The following GALNT13 variants were observed in gnomAD, a reference collection of about 807,000 sequenced individuals.
The protein encoded by GALNT13 is polypeptide N-acetylgalactosaminyltransferase 13.
GALNT13 carries 28 observed loss-of-function variants against 64.2 expected under a neutral mutation model. That is an observed-to-expected ratio of 0.44 (90% CI 0.32 to 0.60). The LOEUF (loss-of-function observed/expected upper bound fraction) is 0.60. GALNT13 is among the 20% of genes least tolerant of loss of function. The probability of loss-of-function intolerance (pLI) is 0.05; values close to 1 mark genes in which losing one functional copy is unlikely to be tolerated. For missense variants in GALNT13, 577 were observed against 669.8 expected (o/e 0.86, Z 1.53); for synonymous variants, 214 against 224.6 (o/e 0.95, Z 0.42).
chr2:153,354,351 A>G, the GALNT13 span: 1 of 152,292 alleles, frequency 6.6e-6, no homozygotes, highest in East Asian at 1.9e-4. Context: ...TTAATGCTGG[A>G]CCGTCTTACT....
At chr2:153,974,308 A>C (rs1347646749) in intron 3 of GALNT13, among the ~76,000 whole-genome samples, 1 of 152,090 alleles carries the variant, frequency 6.6e-6, no homozygotes, top group African/African-American at 2.4e-5. Context: ...GTGGTTAACA[A>C]TCGTACTTTT....
At chr2:153,806,065 C>T in the GALNT13 span, among the ~76,000 whole-genome samples, 1 of 152,000 alleles carries the variant, frequency 6.6e-6, no homozygotes, top group South Asian at 2.1e-4. Flanking sequence ...ATGTATATCC[C>T]TAGCATCTGA....
the GALNT13 span, among the ~76,000 whole-genome samples, chr2:153,344,786 T>C: frequency 4.6e-5 from 7 of 152,216 alleles, no homozygotes; most frequent in African/African-American, 1.7e-4. Context: ...TATGAGGTGA[T>C]GGATATATTA....
intron 4 of GALNT13, among the ~76,000 whole-genome samples, chr2:154,152,988 T>C (rs1684148186): frequency 6.6e-6 from 1 of 152,200 alleles, no homozygotes; most frequent in African/African-American, 2.4e-5. Context: ...CTGCGTTCCT[T>C]TGGAGGAGGA....
At chr2:154,369,496 C>T (rs1559118074) in intron 9 of GALNT13, among the ~76,000 whole-genome samples, 1 of 152,154 alleles carries the variant, frequency 6.6e-6, no homozygotes, top group Non-Finnish European at 1.5e-5. Context: ...GTCAGTACCA[C>T]ACATAGCTTC....
chr2:153,918,776 C>A (rs534809280), intron 2 of GALNT13, among the ~76,000 whole-genome samples: 1 of 152,200 alleles, frequency 6.6e-6, no homozygotes, highest in South Asian at 2.1e-4. Flanking sequence ...GTAAAAATAT[C>A]TTTCCCCTTA....
At chr2:153,402,244 T>G in the GALNT13 span, among the ~76,000 whole-genome samples, 96 of 151,886 alleles carry the variant, frequency 6.3e-4, no homozygotes, top group African/African-American at 2.1e-3. Flanking sequence ...TTAAGAGTGT[T>G]GAATATTGGC....
At chr2:153,902,087 T>A (rs2105294886) in intron 2 of GALNT13, among the ~76,000 whole-genome samples, 1 of 152,316 alleles carries the variant, frequency 6.6e-6, no homozygotes, top group South Asian at 2.1e-4. Context: ...TTCAAATTCT[T>A]TCACGTTAGC....
chr2:153,751,897 A>ACTTT, the GALNT13 span, among the ~76,000 whole-genome samples: 39,812 of 150,258 alleles, frequency 0.26, 5,620 homozygotes, highest in Admixed American at 0.35. Flanking sequence ...TTGACATGTG[A>ACTTT]CTTTCTTTCT....
At chr2:153,473,902 T>C in the GALNT13 span, among the ~76,000 whole-genome samples, 19 of 152,334 alleles carry the variant, frequency 1.2e-4, no homozygotes, top group East Asian at 3.3e-3. Flanking sequence ...TCTGAATGCG[T>C]ACCTAGAAGA....
At chr2:154,373,372 A>G (rs799781) in intron 9 of GALNT13, among the ~76,000 whole-genome samples, 150,980 of 152,278 alleles carry the variant, frequency 0.99, 74,864 homozygotes, top group Middle Eastern at 1. Context: ...ATGGCACCAG[A>G]ATTTTCTGTT....
At chr2:153,376,352 A>G in the GALNT13 span, among the ~76,000 whole-genome samples, 1 of 152,178 alleles carries the variant, frequency 6.6e-6, no homozygotes, top group Non-Finnish European at 1.5e-5. Context: ...GCTGTGAGAC[A>G]TGAAGGATAA....
the GALNT13 span, among the ~76,000 whole-genome samples, chr2:153,343,225 CCA>C: frequency 6.6e-6 from 1 of 152,010 alleles, no homozygotes; most frequent in Non-Finnish European, 1.5e-5. Context: ...CAAATAAGAC[CCA>C]TTATGTTGTG....
the GALNT13 span, among the ~76,000 whole-genome samples, chr2:153,508,562 C>T: frequency 6.6e-6 from 1 of 152,136 alleles, no homozygotes; most frequent in East Asian, 1.9e-4. Context: ...CTGGTCTCAC[C>T]CCTACTGTAC....
At chr2:153,893,207 C>G (rs1345720519) in intron 1 of GALNT13, among the ~76,000 whole-genome samples, 3 of 152,062 alleles carry the variant, frequency 2.0e-5, no homozygotes, top group Non-Finnish European at 2.9e-5. Flanking sequence ...CTTTCAGGTT[C>G]AACCACATTC....
chr2:154,072,340 G>A (rs1011551834), intron 3 of GALNT13, among the ~76,000 whole-genome samples: 12 of 152,130 alleles, frequency 7.9e-5, no homozygotes, highest in Admixed American at 5.9e-4. Context: ...CATATTCTGC[G>A]GATAGGAGGC....
At chr2:153,936,924 A>G (rs577164051) in intron 2 of GALNT13, among the ~76,000 whole-genome samples, 125 of 152,108 alleles carry the variant, frequency 8.2e-4, no homozygotes, top group African/African-American at 2.6e-3. Flanking sequence ...TCACTGTGTT[A>G]GCCAGGATGG....
chr2:153,268,097 T>A, the GALNT13 span, among the ~76,000 whole-genome samples: 1 of 152,158 alleles, frequency 6.6e-6, no homozygotes, highest in Admixed American at 6.5e-5. Flanking sequence ...CCCAAAAGTC[T>A]TAACTCATTC....
chr2:153,227,201 TAAA>T, the GALNT13 span, among the ~76,000 whole-genome samples: 1 of 152,208 alleles, frequency 6.6e-6, no homozygotes, highest in Non-Finnish European at 1.5e-5. Flanking sequence ...AGTGGGTCAC[TAAA>T]ATTATAATTC....
Sources: allele counts gnomAD v4.1 joint callset (sites outside exome capture counted in the v4.1 genomes callset), GRCh38; gene constraint gnomAD v4.1.1; transcripts MANE v1.5; gene names NCBI Gene and HGNC (gene_info 2026-07-23, HGNC 2026-07-21).